Variants in RSRC1 observed in about 807,000 individuals in gnomAD.
RSRC1 encodes the protein serine/Arginine-related protein 53.
A neutral mutation model predicts 49.1 loss-of-function variants in RSRC1; 39 were observed. That is an observed-to-expected ratio of 0.79 (90% confidence interval 0.61 to 1.04). The LOEUF (loss-of-function observed/expected upper bound fraction) is 1.04, where lower values mean the gene tolerates loss of function less well. Ranked by LOEUF, RSRC1 falls within the 50% of genes least tolerant of loss-of-function variation. The pLI is 0.00. For missense variants in RSRC1, 388 were observed against 402.4 expected, an observed-to-expected ratio of 0.96 and a Z score of 0.31; for synonymous variants, 143 against 130.8, an observed-to-expected ratio of 1.09 and a Z score of -0.63.
chr3:158,205,274 A>T (rs1200809506), intron 4 of RSRC1, among the ~76,000 whole-genome samples: 2 of 152,280 alleles, frequency 1.3e-5, no homozygotes, highest in East Asian at 3.9e-4. Flanking sequence ...TGAGGTGCAC[A>T]CAGATTCTTA....
At chr3:158,435,009 G>A (rs1735972822) in intron 6 of RSRC1, among the ~76,000 whole-genome samples, 1 of 151,894 alleles carries the variant, frequency 6.6e-6, no homozygotes, top group African/African-American at 2.4e-5. Context: ...AACTCATTAA[G>A]TGTTTTTTAT....
At chr3:158,179,924 T>G (rs1043031401) in intron 3 of RSRC1, among the ~76,000 whole-genome samples, 7 of 152,220 alleles carry the variant, frequency 4.6e-5, no homozygotes, top group Non-Finnish European at 8.8e-5. Context: ...TTATCTGATC[T>G]GATAGTTGAA....
At chr3:158,322,550 A>G (rs567097891) in intron 5 of RSRC1, among the ~76,000 whole-genome samples, 2 of 152,352 alleles carry the variant, frequency 1.3e-5, no homozygotes, top group East Asian at 3.9e-4. Context: ...GCTACTAGGA[A>G]TTTGACTACA....
intron 5 of RSRC1, among the ~76,000 whole-genome samples, chr3:158,301,983 G>A (rs953401499): frequency 8.2e-5 from 6 of 73,018 alleles, no homozygotes; most frequent in Non-Finnish European, 1.7e-4. Flanking sequence ...GTTTTTTGGG[G>A]TTTTTTTGTT....
intron 5 of RSRC1, among the ~76,000 whole-genome samples, chr3:158,325,368 G>C (rs370585973): frequency 5.9e-5 from 9 of 152,150 alleles, no homozygotes; most frequent in East Asian, 1.9e-4. Flanking sequence ...TTAGGTCTAA[G>C]ATTTAAGTCT....
At chr3:158,221,557 A>G (rs1442983499) in intron 4 of RSRC1, among the ~76,000 whole-genome samples, 1 of 151,540 alleles carries the variant, frequency 6.6e-6, no homozygotes, top group Non-Finnish European at 1.5e-5. Context: ...TGCTGGTATG[A>G]TTCATGCTAC....
chr3:158,315,867 T>C (rs1728398981), intron 5 of RSRC1, among the ~76,000 whole-genome samples: 1 of 152,136 alleles, frequency 6.6e-6, no homozygotes, highest in Admixed American at 6.5e-5. Context: ...ACATTAATAA[T>C]GCAACCGAAA....
intron 3 of RSRC1, among the ~76,000 whole-genome samples, chr3:158,129,969 T>C (rs1715905453): frequency 6.6e-6 from 1 of 152,224 alleles, no homozygotes; most frequent in African/African-American, 2.4e-5. Flanking sequence ...GTAGTTTTCA[T>C]TATAGTGGTT....
chr3:158,328,571 T>C (rs971912301), intron 5 of RSRC1, among the ~76,000 whole-genome samples: 6 of 152,206 alleles, frequency 3.9e-5, no homozygotes, highest in Non-Finnish European at 7.3e-5. Flanking sequence ...CCCACTCTCT[T>C]CTGGCTTGTA....
At chr3:158,362,848 A>G (rs757713570) in intron 6 of RSRC1, among the ~76,000 whole-genome samples, 1 of 152,208 alleles carries the variant, frequency 6.6e-6, no homozygotes, top group Non-Finnish European at 1.5e-5. Context: ...GATTTTTCCA[A>G]AAGATATTTT....
chr3:158,417,842 T>TA (rs550056740), intron 6 of RSRC1, among the ~76,000 whole-genome samples: 27 of 151,044 alleles, frequency 1.8e-4, no homozygotes, highest in Non-Finnish European at 3.2e-4. Flanking sequence ...TGTGACTTAT[T>TA]AAAAAAAATC....
At chr3:158,258,545 G>C (rs1724704758) in intron 4 of RSRC1, among the ~76,000 whole-genome samples, 1 of 151,776 alleles carries the variant, frequency 6.6e-6, no homozygotes, top group Non-Finnish European at 1.5e-5. Context: ...AAATCTGCTT[G>C]GTGTTCTATA....
chr3:158,480,041 C>G (rs1299437779), intron 7 of RSRC1, among the ~76,000 whole-genome samples: 10 of 151,986 alleles, frequency 6.6e-5, no homozygotes, highest in Admixed American at 1.3e-4. Flanking sequence ...GAGGGTTCAC[C>G]TTTGGAACCA....
chr3:158,232,209 C>A lies in RSRC1; in HGVS notation c.494+28964C>A, dbSNP rs1027904918. Among the ~76,000 whole-genome samples the A allele has an allele frequency of 2.7e-5, 4 of 147,226 alleles. No homozygotes were observed. The East Asian group carries it at 6.1e-4, about 22-fold the overall frequency. On this transcript the variant is annotated intron_variant, in intron 4 of 9. Transcript: ENST00000611884. ...AAATAGTAGTCTAAAATCTACAGTG[C>A]ATTTTTGTGATTTATATTTACTTTA...
chr3:158,216,311 T>TA (rs534754529), intron 4 of RSRC1, among the ~76,000 whole-genome samples: 77 of 151,466 alleles, frequency 5.1e-4, no homozygotes, highest in African/African-American at 1.6e-3. Flanking sequence ...TCTCTTTTTT[T>TA]AAAAAAAATC....
rs1228519334 is a variant in RSRC1, at chr3:158,123,852, ATATTT to A, written c.195-8_195-4del. 4.4e-6 allele frequency: 7 copies of A among 1,592,552 alleles called. No individual in the cohort carries two copies. Among genetic ancestry groups the A allele is most frequent in the Non-Finnish European group, 5.1e-6 (6 of 1,171,588 alleles). Reference sequence around the variant, plus strand: ...ATTTTTATAGCAGTGATCTTTGATTATATTTTATTTCAGACGCAGGCATCGATCAA... The same window carrying A: ...ATTTTTATAGCAGTGATCTTTGATTATATTTCAGACGCAGGCATCGATCAA... On this transcript the variant is annotated splice_polypyrimidine_tract_variant and intron_variant, in intron 2 of 9. Coordinates refer to ENST00000611884, the MANE Select transcript of RSRC1 (RefSeq NM_001271838.2).
At chr3:158,231,146 T>A (rs1722927077) in intron 4 of RSRC1, among the ~76,000 whole-genome samples, 1 of 142,004 alleles carries the variant, frequency 7.0e-6, no homozygotes, top group African/African-American at 2.6e-5. Flanking sequence ...GCTTTTTTTT[T>A]TTTTTTTTTT....
At chr3:158,462,849 C>T (rs79283097) in intron 7 of RSRC1, among the ~76,000 whole-genome samples, 2,622 of 152,078 alleles carry the variant, frequency 0.017, 63 homozygotes, top group African/African-American at 0.06. Context: ...ATATACAGTA[C>T]CTTTTTTCTT....
chr3:158,135,295 A>C (rs1716299621), intron 3 of RSRC1, among the ~76,000 whole-genome samples: 1 of 149,330 alleles, frequency 6.7e-6, no homozygotes, highest in African/African-American at 2.5e-5. Context: ...TTTGAGACAG[A>C]ATCTCGCTCT....
Sources: allele counts gnomAD v4.1 joint callset (sites outside exome capture counted in the v4.1 genomes callset), GRCh38; gene constraint gnomAD v4.1.1; transcripts MANE v1.5; gene names NCBI Gene and HGNC (gene_info 2026-07-23, HGNC 2026-07-21).